The following SH3GL2 variants were observed in gnomAD, a reference collection of about 807,000 sequenced individuals.
SH3GL2 encodes endophilin-A1.
Under a neutral mutation model 46.0 loss-of-function variants are expected in SH3GL2, and 24 were observed. The observed-to-expected ratio is 0.52, with a 90% confidence interval of 0.38 to 0.73. The LOEUF (loss-of-function observed/expected upper bound fraction) is 0.73. Among genes scored for constraint, SH3GL2 ranks in the 30% least tolerant of loss-of-function variants. The pLI is 0.00. For synonymous variants in SH3GL2, 196 were observed against 147.1 expected, an observed-to-expected ratio of 1.33 and a Z score of -2.40; for missense variants, 413 against 424.2, an observed-to-expected ratio of 0.97 and a Z score of 0.23.
intron 1 of SH3GL2, among the ~76,000 whole-genome samples, chr9:17,664,820 A>T (rs559463275): frequency 2.0e-4 from 31 of 151,574 alleles, no homozygotes; most frequent in African/African-American, 5.8e-4. Context: ...TCCCCTTTTA[A>T]TTCACTCAAC....
At chr9:17,728,027 T>A (rs1475180883) in intron 1 of SH3GL2, among the ~76,000 whole-genome samples, 1 of 152,190 alleles carries the variant, frequency 6.6e-6, no homozygotes, top group Non-Finnish European at 1.5e-5. Flanking sequence ...AAAGGGGTTT[T>A]CATTGTATTT....
At chr9:17,590,375 T>G (rs1818458345) in intron 1 of SH3GL2, 1 of 152,204 alleles carries the variant, frequency 6.6e-6, no homozygotes, top group African/African-American at 2.4e-5. Context: ...TACTGATTAA[T>G]ATTAATAGCC....
At chr9:17,770,379 G>C (rs776788837) in intron 3 of SH3GL2, among the ~76,000 whole-genome samples, 8 of 152,164 alleles carry the variant, frequency 5.3e-5, no homozygotes, top group Non-Finnish European at 1.2e-4. Flanking sequence ...GGCACATTCT[G>C]TTTTCAAAAA....
intron 1 of SH3GL2, among the ~76,000 whole-genome samples, chr9:17,673,221 T>A (rs1820517243): frequency 6.6e-6 from 1 of 152,088 alleles, no homozygotes; most frequent in African/African-American, 2.4e-5. Context: ...CGATTATGGC[T>A]CACTGCAGCC....
At chr9:17,632,354 C>T (rs1819447651) in intron 1 of SH3GL2, among the ~76,000 whole-genome samples, 1 of 152,138 alleles carries the variant, frequency 6.6e-6, no homozygotes, top group South Asian at 2.1e-4. Flanking sequence ...GCCGACATAG[C>T]TACAAAGCAC....
intron 1 of SH3GL2, among the ~76,000 whole-genome samples, 166 bp from the exon 2 acceptor site, chr9:17,746,900 A>AC (rs1480120214): frequency 1.3e-5 from 2 of 152,190 alleles, no homozygotes; most frequent in Non-Finnish European, 2.9e-5. Flanking sequence ...AGTTTTTCAG[A>AC]CCCTCAGAGC....
intron 1 of SH3GL2, among the ~76,000 whole-genome samples, chr9:17,616,378 G>A (rs1234914640): frequency 6.6e-6 from 1 of 152,164 alleles, no homozygotes; most frequent in Non-Finnish European, 1.5e-5. Flanking sequence ...TAACTTTAGT[G>A]CTAGCTAATT....
chr9:17,678,436 T>C (rs1352656616), intron 1 of SH3GL2, among the ~76,000 whole-genome samples: 1 of 152,240 alleles, frequency 6.6e-6, no homozygotes, highest in African/African-American at 2.4e-5. Flanking sequence ...ATGTCTTCTT[T>C]TGAGAAGTGT....
At position 17,716,961 on chromosome 9, in the gene SH3GL2, T is replaced by C. The variant is rs545536447; in HGVS notation, c.46-30105T>C. On this transcript the variant is annotated intron_variant, in intron 1 of 8. Coordinates refer to ENST00000380607, the MANE Select transcript of SH3GL2 (RefSeq NM_003026.5). ...TCATACATACATATGGTTGATTGGT[T>C]GGTTGGTTTCAGGCAGGAGGTTAAA... Among the ~76,000 whole-genome samples, 7 of 152,270 alleles carry C rather than the reference T, an allele frequency of 4.6e-5. No homozygotes were observed. The East Asian group carries it at 1.4e-3, about 29-fold the overall frequency.
chr9:17,585,377 A>G (rs577374443), intron 1 of SH3GL2, among the ~76,000 whole-genome samples: 128 of 152,224 alleles, frequency 8.4e-4, no homozygotes, highest in Non-Finnish European at 1.4e-3. Context: ...AAGTCAGTGG[A>G]TTTTTTGGCC....
At chr9:17,735,872 C>A (rs4515654) in intron 1 of SH3GL2, 92 of 291,864 alleles carry the variant, frequency 3.2e-4, no homozygotes, top group African/African-American at 2.0e-3. Flanking sequence ...TTGCAGCAGC[C>A]TTTCCTGTTA....
chr9:17,787,984 T>G lies in SH3GL2; in HGVS notation c.465+471T>G, dbSNP rs1563854676. Among the ~76,000 whole-genome samples the G allele has an allele frequency of 2.0e-5, 3 of 152,290 alleles. No homozygotes were observed. The South Asian group carries it at 6.2e-4, about 32-fold the overall frequency. Reference sequence around the variant, plus strand: ...GTTATGTGTTTTTATATTAATATTTTCATAATGGTTGTTAGGATTGAGGAA... The same window carrying G: ...GTTATGTGTTTTTATATTAATATTTGCATAATGGTTGTTAGGATTGAGGAA... On this transcript the variant is annotated intron_variant, in intron 5 of 8. Coordinates refer to ENST00000380607, the MANE Select transcript of SH3GL2 (RefSeq NM_003026.5).
intron 1 of SH3GL2, among the ~76,000 whole-genome samples, chr9:17,672,366 A>T (rs1238826472): frequency 2.0e-5 from 3 of 152,176 alleles, no homozygotes; most frequent in Admixed American, 6.5e-5. Context: ...AGCAGAGACT[A>T]AAAGAACCAT....
At chr9:17,698,060 A>G (rs1248083308) in intron 1 of SH3GL2, among the ~76,000 whole-genome samples, 4 of 152,170 alleles carry the variant, frequency 2.6e-5, no homozygotes, top group Non-Finnish European at 5.9e-5. Flanking sequence ...TGTCAACCTT[A>G]CATATAATTG....
At chr9:17,595,776 G>C (rs1818558370) in intron 1 of SH3GL2, among the ~76,000 whole-genome samples, 1 of 152,124 alleles carries the variant, frequency 6.6e-6, no homozygotes. Context: ...CAGCCATAAA[G>C]CAGATATGTA....
chr9:17,726,611 T>C (rs963628354), intron 1 of SH3GL2, among the ~76,000 whole-genome samples: 1 of 152,032 alleles, frequency 6.6e-6, no homozygotes. Flanking sequence ...GACAACCCAA[T>C]AGCAGAACAA....
In SH3GL2 at chr9:17,592,185, C is replaced by T. The variant is rs374370875; in HGVS notation, c.45+12898C>T. ...TCTCAAGAATTTGGAATTCTGATGT[C>T]CAAGGGCAGGAGAAGATGGAAGTCT... is the stretch of plus-strand genomic sequence containing the variant. On this transcript the variant is annotated intron_variant, in intron 1 of 8. Transcript: ENST00000380607. 6.1e-4 allele frequency among the ~76,000 whole-genome samples: 93 copies of T among 152,262 alleles called. 2 individuals are homozygous for T. In the South Asian group the frequency reaches 0.018, roughly 29 times the overall value.
chr9:17,703,624 C>A (rs1030448969), intron 1 of SH3GL2, among the ~76,000 whole-genome samples: 1 of 152,022 alleles, frequency 6.6e-6, no homozygotes, highest in Non-Finnish European at 1.5e-5. Context: ...TAGTCGTTAT[C>A]CCTGGGATGC....
chr9:17,767,925 C>T (rs939434364), intron 3 of SH3GL2, among the ~76,000 whole-genome samples: 2 of 152,128 alleles, frequency 1.3e-5, no homozygotes, highest in Non-Finnish European at 2.9e-5. Context: ...TCTACTTCTA[C>T]ATCTTTGGGG....
Sources: gnomAD v4.1 joint callset for allele counts (sites outside exome capture counted in the v4.1 genomes callset) on GRCh38, gnomAD v4.1.1 for gene constraint, MANE v1.5 for transcripts, NCBI Gene and HGNC (gene_info 2026-07-23, HGNC 2026-07-21) for gene names.